ZNF724: variants seen among roughly 807,000 people sequenced by gnomAD.
ZNF724 encodes zinc finger protein 724 pseudogene.
A neutral mutation model predicts 29.3 loss-of-function variants in ZNF724; 14 were observed. The observed-to-expected ratio is 0.48, with a 90% CI of 0.32 to 0.75. The LOEUF (loss-of-function observed/expected upper bound fraction) is 0.75. ZNF724 is among the 30% of genes least tolerant of loss of function. The pLI, the probability that ZNF724 is intolerant of heterozygous loss-of-function variation, is 0.04. For synonymous variants in ZNF724, 180 were observed against 193.6 expected, an observed-to-expected ratio of 0.93 and a Z score of 0.58; for missense variants, 557 against 571.2, an observed-to-expected ratio of 0.98 and a Z score of 0.25.
intron 1 of ZNF724, among the ~76,000 whole-genome samples, chr19:23,246,523 C>T (rs1972238510): frequency 6.6e-6 from 1 of 151,972 alleles, no homozygotes; most frequent in East Asian, 1.9e-4. Context: ...GGCGTGGTGG[C>T]ATGCACCTGT....
At chr19:23,232,394 A>G in intron 1 of ZNF724, 101 bp from the exon 2 acceptor site, 1 of 670,892 alleles carries the variant, frequency 1.5e-6, no homozygotes, top group Non-Finnish European at 2.7e-6. Context: ...ATTCTGACTT[A>G]TAAAAGTGAA....
intron 1 of ZNF724, among the ~76,000 whole-genome samples, chr19:23,246,707 T>A (rs1268612309): frequency 6.6e-6 from 1 of 151,890 alleles, no homozygotes; most frequent in African/African-American, 2.4e-5. Context: ...GATTACAGGA[T>A]ATAGAACAGA....
chr19:23,250,347 G>A lies in ZNF724; in HGVS notation c.-105C>T, dbSNP rs1972331569. ...GGCCTCTAAGAGCAGGGGACACAAAGCAGGGAAGACGAGACCAAGCGCTCC... is the reference window on the plus strand; with the variant it reads ...GGCCTCTAAGAGCAGGGGACACAAAACAGGGAAGACGAGACCAAGCGCTCC... On this transcript the variant is annotated 5_prime_UTR_variant, in exon 1 of 4. Coordinates refer to ENST00000418100, the MANE Select transcript of ZNF724 (RefSeq NM_001355404.2). 3 of 516,702 alleles carry A rather than the reference G, an allele frequency of 5.8e-6. No homozygotes were observed. Among genetic ancestry groups the A allele is most frequent in the South Asian group, 2.9e-5 (2 of 67,880 alleles). 32.0% of individuals were successfully genotyped at this position (516,702 alleles called of 1,614,324 possible).
At chr19:23,238,222 G>A (rs535052484) in intron 1 of ZNF724, among the ~76,000 whole-genome samples, 4 of 152,078 alleles carry the variant, frequency 2.6e-5, no homozygotes, top group Non-Finnish European at 4.4e-5. Context: ...AAAATTAGCC[G>A]CATGTGGTGG....
chr19:23,237,601 G>A (rs1972041969), intron 1 of ZNF724, among the ~76,000 whole-genome samples: 1 of 150,666 alleles, frequency 6.6e-6, no homozygotes, highest in Admixed American at 6.7e-5. Context: ...TCATAATATT[G>A]TAGAAAATAC....
intron 1 of ZNF724, among the ~76,000 whole-genome samples, chr19:23,232,971 A>G (rs1261958998): frequency 6.6e-6 from 1 of 152,184 alleles, no homozygotes; most frequent in African/African-American, 2.4e-5. Flanking sequence ...TTAATAATGA[A>G]GAAAAAATAA....
At chr19:23,238,078 A>AAACAAC (rs375323591) in intron 1 of ZNF724, among the ~76,000 whole-genome samples, 3 of 152,128 alleles carry the variant, frequency 2.0e-5, no homozygotes, top group African/African-American at 7.2e-5. Flanking sequence ...AAGAGACTGA[A>AAACAAC]AACAACAACA....
chr19:23,230,272 A>C (rs1427199735), intron 3 of ZNF724, among the ~76,000 whole-genome samples: 1 of 152,178 alleles, frequency 6.6e-6, no homozygotes, highest in East Asian at 1.9e-4. Flanking sequence ...GGATTGAAAG[A>C]ATAAATATTG....
intron 1 of ZNF724, chr19:23,242,854 AC>A (rs1481282381): frequency 2.6e-5 from 4 of 151,766 alleles, no homozygotes; most frequent in Non-Finnish European, 5.9e-5. Flanking sequence ...AGCCTGACCA[AC>A]ATGATGAAAC....
chr19:23,236,803 A>G (rs980166770), intron 1 of ZNF724: 5 of 152,148 alleles, frequency 3.3e-5, no homozygotes, highest in African/African-American at 4.8e-5. Flanking sequence ...TAGCCATTAA[A>G]TGGAGGATTT....
intron 1 of ZNF724, among the ~76,000 whole-genome samples, chr19:23,237,770 T>A (rs998010478): frequency 3.3e-5 from 5 of 151,264 alleles, no homozygotes; most frequent in African/African-American, 1.2e-4. Flanking sequence ...GCAAGTTGTC[T>A]ACAAACACTA....
intron 1 of ZNF724, among the ~76,000 whole-genome samples, chr19:23,243,543 A>T (rs1972176404): frequency 6.6e-6 from 1 of 151,148 alleles, no homozygotes; most frequent in Admixed American, 6.6e-5. Flanking sequence ...GCACTATCTC[A>T]TTTATAAGTA....
At chr19:23,225,456 T>A (rs1971810030) in intron 3 of ZNF724, among the ~76,000 whole-genome samples, 1 of 151,724 alleles carries the variant, frequency 6.6e-6, no homozygotes, top group African/African-American at 2.4e-5. Context: ...TACAAAAAAA[T>A]TTATCCGGGC....
chr19:23,231,096 T>C (rs546828927), intron 3 of ZNF724, 170 bp downstream of exon 3: 19 of 443,072 alleles, frequency 4.3e-5, no homozygotes, highest in African/African-American at 3.9e-4. Flanking sequence ...TTGGTCAGGC[T>C]GGTCTCGAAC....
At chr19:23,226,035 T>C (rs1030712869) in intron 3 of ZNF724, among the ~76,000 whole-genome samples, 1 of 139,092 alleles carries the variant, frequency 7.2e-6, no homozygotes, top group African/African-American at 2.6e-5. Context: ...GAAAAAAATT[T>C]TCTAGAGAGA....
At chr19:23,227,555 C>CAAAA (rs1370441801) in intron 3 of ZNF724, among the ~76,000 whole-genome samples, 26 of 76,050 alleles carry the variant, frequency 3.4e-4, no homozygotes, top group African/African-American at 6.3e-4. Flanking sequence ...GGCTCCATCT[C>CAAAA]AAAAAAAAAA....
At chr19:23,228,939 T>A (rs1242188343) in intron 3 of ZNF724, among the ~76,000 whole-genome samples, 1 of 150,756 alleles carries the variant, frequency 6.6e-6, no homozygotes, top group Non-Finnish European at 1.5e-5. Context: ...TGGCGCGTGC[T>A]TATAATCCCA....
intron 1 of ZNF724, among the ~76,000 whole-genome samples, chr19:23,240,660 C>T (rs1216716298): frequency 2.8e-5 from 4 of 145,372 alleles, no homozygotes; most frequent in African/African-American, 5.1e-5. Context: ...GCGAAGGTTG[C>T]GGTAATCTGA....
rs1599642391 is a variant in ZNF724, at chr19:23,234,986, T to G, written c.4-2693A>C. On this transcript the variant is annotated intron_variant, in intron 1 of 3. Transcript: ENST00000418100. The stretch of plus-strand genomic sequence containing the variant: ...ACAACACAAATACTTCCGGCACAAA[T>G]GAAGACAACAAATCTCCATCTTTAA... Among the ~76,000 whole-genome samples, 2 of 152,340 alleles carry G rather than the reference T, an allele frequency of 1.3e-5. 1 individual carries two copies.
Sources: allele counts gnomAD v4.1 joint callset (sites outside exome capture counted in the v4.1 genomes callset), GRCh38; gene constraint gnomAD v4.1.1; transcripts MANE v1.5; gene names NCBI Gene and HGNC (gene_info 2026-07-23, HGNC 2026-07-21).